PRKX: variants seen among roughly 807,000 people sequenced by gnomAD.
The protein encoded by PRKX is protein kinase cAMP-dependent X-linked catalytic subunit.
Under a neutral mutation model 22.0 loss-of-function variants are expected in PRKX, and 12 were observed. The observed-to-expected ratio is 0.54, with a 90% CI of 0.35 to 0.88. PRKX has a LOEUF of 0.88. Ranked by LOEUF, PRKX falls within the 40% of genes least tolerant of loss-of-function variation. The pLI, the probability that PRKX is intolerant of heterozygous loss-of-function variation, is 0.01. For synonymous variants in PRKX, 134 were observed against 137.7 expected, an observed-to-expected ratio of 0.97 and a Z score of 0.19; for missense variants, 217 against 308.0, an observed-to-expected ratio of 0.70 and a Z score of 2.21.
chrX:3,637,350 C>T (rs369588702), intron 4 of PRKX, among the ~76,000 whole-genome samples: 165 of 111,441 alleles, frequency 1.5e-3, no homozygotes, highest in African/African-American at 5.1e-3. Context: ...AAGCAACAAG[C>T]GGGCTCCCAG....
At chrX:3,686,906 CTTAA>C (rs924108590) in intron 1 of PRKX, among the ~76,000 whole-genome samples, 3 of 112,339 alleles carry the variant, frequency 2.7e-5, no homozygotes, top group Non-Finnish European at 3.8e-5. Flanking sequence ...AATTTACCAT[CTTAA>C]TTAACCATTT....
rs2146619092 is a variant in PRKX at position 3,713,468 on chromosome X, T to G, written c.-215A>C. The G allele has an allele frequency of 3.8e-6, 1 of 263,198 alleles. No homozygotes were observed. The highest frequency in any genetic ancestry group is 6.6e-6 in the Non-Finnish European group (1 of 152,421). 21.7% of individuals were successfully genotyped at this position (263,198 alleles called of 1,213,427 possible). A position where few individuals can be genotyped will look rare whatever the true frequency, so the allele number is the denominator to read the frequency against. On this transcript the variant is annotated 5_prime_UTR_variant, in exon 1 of 9. Coordinates refer to ENST00000262848, the MANE Select transcript of PRKX (RefSeq NM_005044.5). ...CGGCACAAGCAGCAACGGCCCCGAG[T>G]GGGAGCAGCCGCCGGCCTCGGGGGG...
At chrX:3,670,145 G>T (rs752432159) in intron 2 of PRKX, 1 of 123,738 alleles carries the variant, frequency 8.1e-6, no homozygotes, top group African/African-American at 3.2e-5. Flanking sequence ...AAAACTGCCC[G>T]TATGGGAAGC....
chrX:3,650,424 G>A (rs1259456190), intron 3 of PRKX, among the ~76,000 whole-genome samples: 1 of 103,726 alleles, frequency 9.6e-6, no homozygotes, highest in African/African-American at 3.5e-5. Flanking sequence ...GGGAGGCTGA[G>A]GCAGGAGAAT....
At chrX:3,616,253 A>G (rs974127336) in intron 6 of PRKX, among the ~76,000 whole-genome samples, 3 of 111,476 alleles carry the variant, frequency 2.7e-5, no homozygotes, top group African/African-American at 6.6e-5. Flanking sequence ...CTTACTCAGT[A>G]TTTTACAGAC....
chrX:3,669,536 G>A (rs1307327542), intron 2 of PRKX, among the ~76,000 whole-genome samples: 1 of 112,022 alleles, frequency 8.9e-6, no homozygotes, highest in Non-Finnish European at 1.9e-5. Flanking sequence ...CAGTGCACAG[G>A]ATGCCCCACC....
intron 1 of PRKX, among the ~76,000 whole-genome samples, chrX:3,703,062 A>G (rs1322281997): frequency 1.8e-5 from 2 of 111,145 alleles, no homozygotes; most frequent in African/African-American, 6.6e-5. Context: ...GCAGGATGGA[A>G]AGGCCCAAAC....
intron 4 of PRKX, among the ~76,000 whole-genome samples, chrX:3,627,881 C>G (rs1390143086): frequency 3.6e-5 from 4 of 111,262 alleles, no homozygotes; most frequent in African/African-American, 1.3e-4. Context: ...ACCCAGCCAT[C>G]ACATTACTAG....
intron 3 of PRKX, 78 bp from the exon 4 acceptor site, chrX:3,642,049 G>A: frequency 3.0e-5 from 23 of 768,707 alleles, no homozygotes; most frequent in Non-Finnish European, 4.0e-5. Context: ...AGCTCTGATT[G>A]TTACAATAAC....
chrX:3,697,716 TTTTG>T (rs1928473047), intron 1 of PRKX, among the ~76,000 whole-genome samples: 1 of 109,787 alleles, frequency 9.1e-6, no homozygotes, highest in Non-Finnish European at 1.9e-5. Context: ...GGCTACACTT[TTTTG>T]TTTTTGTTTT....
intron 1 of PRKX, among the ~76,000 whole-genome samples, chrX:3,711,512 T>C (rs1379006898): frequency 8.9e-6 from 1 of 112,099 alleles, no homozygotes; most frequent in Non-Finnish European, 1.9e-5. Flanking sequence ...CAGCCCCAGC[T>C]CCACCTTTCC....
intron 4 of PRKX, among the ~76,000 whole-genome samples, chrX:3,626,734 C>CA (rs1188459874): frequency 1.8e-5 from 2 of 111,891 alleles, no homozygotes; most frequent in African/African-American, 6.5e-5. Context: ...GGGGAAGCTC[C>CA]CTTGGAGAGA....
intron 1 of PRKX, among the ~76,000 whole-genome samples, chrX:3,694,568 C>T (rs965534985): frequency 1.7e-4 from 18 of 108,774 alleles, no homozygotes; most frequent in African/African-American, 6.0e-4. Context: ...GGATCCTCCC[C>T]TAGAGCCTCC....
chrX:3,634,838 T>C (rs1270996056), intron 4 of PRKX, among the ~76,000 whole-genome samples: 2 of 111,056 alleles, frequency 1.8e-5, no homozygotes, highest in Non-Finnish European at 3.8e-5. Flanking sequence ...CCTGGGCGTG[T>C]ACCATCATGC....
rs753983208 is a variant in PRKX, at chrX:3,616,876, T to G, written c.874-984A>C. 1.7e-4 allele frequency among the ~76,000 whole-genome samples: 19 copies of G among 111,028 alleles called. No homozygotes were observed. The South Asian group carries it at 6.1e-3, about 36-fold the overall frequency. On this transcript the variant is annotated intron_variant, in intron 6 of 8. Transcript: ENST00000262848. ...TGTTGTGAATAAGAATAAATAAGAGTGCTGTGAATAAGAGAATAAAATAAA... is the reference window on the plus strand; with the variant it reads ...TGTTGTGAATAAGAATAAATAAGAGGGCTGTGAATAAGAGAATAAAATAAA...
rs775397877 is a variant in PRKX at position 3,665,579 on chromosome X, A to C, written c.335+9019T>G. On this transcript the variant is annotated intron_variant, in intron 2 of 8. Coordinates refer to ENST00000262848, the MANE Select transcript of PRKX (RefSeq NM_005044.5). ...TGTTCATAGCAGCATTATTCACTAC[A>C]GCCAAGAGGTGGAAGGCACCCCAGT... 2.7e-5 allele frequency among the ~76,000 whole-genome samples: 3 copies of C among 111,641 alleles called. No homozygotes were observed. In the East Asian group the frequency reaches 8.4e-4, roughly 31 times the overall value.
chrX:3,615,756 C>T lies in PRKX; in HGVS notation c.951+59G>A, dbSNP rs374420136. ...ATAAAGAAGTCCCAGGATTCAGAGG[C>T]AGTCCCTGCTAATGGAAGAGCTCGG... On this transcript the variant is annotated intron_variant, in intron 7 of 8. Transcript: ENST00000262848. 3.7e-5 allele frequency: 35 copies of T among 942,560 alleles called. No individual in the cohort carries two copies. In the African/African-American group the frequency reaches 5.4e-4, roughly 15 times the overall value. 77.7% of individuals were successfully genotyped at this position (942,560 alleles called of 1,213,427 possible).
intron 1 of PRKX, among the ~76,000 whole-genome samples, chrX:3,677,317 ATTGTT>A (rs57553832): frequency 0.34 from 34,969 of 101,500 alleles, 5,192 homozygotes; most frequent in East Asian, 0.61. Flanking sequence ...ATCACATTAT[ATTGTT>A]TTGTCTTTTT....
chrX:3,626,975 C>T (rs1926672077), intron 4 of PRKX, among the ~76,000 whole-genome samples: 1 of 111,454 alleles, frequency 9.0e-6, no homozygotes, highest in East Asian at 2.8e-4. Flanking sequence ...TCTTCACAGA[C>T]ATTTCTCAAA....
Sources: gnomAD v4.1 joint callset for allele counts (sites outside exome capture counted in the v4.1 genomes callset) on GRCh38, gnomAD v4.1.1 for gene constraint, MANE v1.5 for transcripts, NCBI Gene and HGNC (gene_info 2026-07-23, HGNC 2026-07-21) for gene names.